The following AGBL4 variants were observed in gnomAD, a reference collection of about 807,000 sequenced individuals.
The protein encoded by AGBL4 is AGBL carboxypeptidase 4.
AGBL4 carries 58 observed loss-of-function variants against 66.4 expected under a neutral mutation model. The ratio of observed to expected loss-of-function variants is 0.87; its 90% CI spans 0.71 to 1.09. The LOEUF is 1.09. AGBL4 is among the 50% of genes least tolerant of loss of function. The probability of loss-of-function intolerance (pLI) is 0.00; values close to 1 mark genes in which losing one functional copy is unlikely to be tolerated. For synonymous variants in AGBL4, 234 were observed against 222.9 expected (o/e 1.05, Z -0.44); for missense variants, 579 against 631.0 (o/e 0.92, Z 0.88).
At chr1:49,442,394 G>T (rs893627301) in intron 3 of AGBL4, among the ~76,000 whole-genome samples, 1 of 152,182 alleles carries the variant, frequency 6.6e-6, no homozygotes, top group Non-Finnish European at 1.5e-5. Flanking sequence ...ACAAGTAGGG[G>T]ATTCTTGGAA....
At chr1:49,434,892 C>T (rs1645868748) in intron 3 of AGBL4, among the ~76,000 whole-genome samples, 1 of 152,074 alleles carries the variant, frequency 6.6e-6, no homozygotes, top group South Asian at 2.1e-4. Flanking sequence ...ATTCCCATCT[C>T]ACTCTGGCAT....
intron 5 of AGBL4, among the ~76,000 whole-genome samples, chr1:48,882,951 T>C (rs1436743895): frequency 6.6e-6 from 1 of 152,236 alleles, no homozygotes; most frequent in Non-Finnish European, 1.5e-5. Flanking sequence ...AGGAGTTCCT[T>C]CTTTTTAAAG....
Position 49,789,803 on chromosome 1 carries a change from C to A in AGBL4, c.157+61593G>T, listed in dbSNP as rs1644549667. ...GCTATCCTCTTCAGGCTACCATTGACTTTCTTCACAGAATTAGAAAATACT... is the reference window on the plus strand; with the variant it reads ...GCTATCCTCTTCAGGCTACCATTGAATTTCTTCACAGAATTAGAAAATACT... On this transcript the variant is annotated intron_variant, in intron 2 of 13. Coordinates refer to ENST00000371839, the MANE Select transcript of AGBL4 (RefSeq NM_032785.4). Among the ~76,000 whole-genome samples, 3 of 152,176 alleles carry A rather than the reference C, an allele frequency of 2.0e-5. No homozygotes were observed. The South Asian group carries it at 6.2e-4, about 32-fold the overall frequency.
intron 11 of AGBL4, among the ~76,000 whole-genome samples, chr1:48,566,074 AAC>A (rs1292434072): frequency 6.6e-6 from 1 of 152,202 alleles, no homozygotes; most frequent in Non-Finnish European, 1.5e-5. Flanking sequence ...CCTGCTCAAG[AAC>A]CATCTCTGGC....
chr1:49,417,731 A>G (rs1645458363), intron 3 of AGBL4, among the ~76,000 whole-genome samples: 1 of 152,174 alleles, frequency 6.6e-6, no homozygotes, highest in African/African-American at 2.4e-5. Context: ...CTTTAGGTTA[A>G]AATACATTGC....
intron 8 of AGBL4, among the ~76,000 whole-genome samples, chr1:48,652,770 C>G (rs529044268): frequency 1.4e-4 from 21 of 152,146 alleles, no homozygotes; most frequent in Middle Eastern, 3.4e-3. Flanking sequence ...TGGTGCTAAG[C>G]CAGGAGAAAA....
intron 3 of AGBL4, among the ~76,000 whole-genome samples, chr1:49,624,803 C>T (rs971011395): frequency 6.6e-5 from 10 of 152,132 alleles, no homozygotes; most frequent in African/African-American, 1.4e-4. Context: ...GCATCTAGAC[C>T]TTTCTCCATG....
chr1:49,276,780 C>T (rs1252646838), intron 3 of AGBL4, among the ~76,000 whole-genome samples: 1 of 152,194 alleles, frequency 6.6e-6, no homozygotes, highest in Non-Finnish European at 1.5e-5. Context: ...ACTGAGCCCC[C>T]ATTCTTCCTA....
chr1:49,614,216 A>G (rs180757197), intron 3 of AGBL4, among the ~76,000 whole-genome samples: 194 of 152,294 alleles, frequency 1.3e-3, no homozygotes, highest in Non-Finnish European at 2.5e-3. Context: ...TTTGGGCACT[A>G]CCTTCCTGCC....
At chr1:48,691,782 C>T (rs1646637415) in intron 6 of AGBL4, among the ~76,000 whole-genome samples, 1 of 152,174 alleles carries the variant, frequency 6.6e-6, no homozygotes, top group African/African-American at 2.4e-5. Flanking sequence ...GTGCTGGAAC[C>T]CAGCCTCCCT....
At chr1:48,951,824 A>T (rs1274975899) in intron 5 of AGBL4, among the ~76,000 whole-genome samples, 1 of 152,224 alleles carries the variant, frequency 6.6e-6, no homozygotes, top group Admixed American at 6.5e-5. Context: ...TTTTGATGAG[A>T]ATTGTTGAAC....
chr1:49,250,423 A>G (rs1181871233), intron 3 of AGBL4, among the ~76,000 whole-genome samples: 1 of 151,156 alleles, frequency 6.6e-6, no homozygotes, highest in African/African-American at 2.4e-5. Context: ...GGAACCCTGA[A>G]CTACACACAG....
intron 3 of AGBL4, among the ~76,000 whole-genome samples, chr1:49,491,664 C>G (rs991005479): frequency 2.0e-5 from 3 of 151,894 alleles, no homozygotes; most frequent in African/African-American, 7.2e-5. Flanking sequence ...CTGGCTTAAT[C>G]AAGTTAGTTG....
intron 7 of AGBL4, among the ~76,000 whole-genome samples, chr1:48,654,380 G>A (rs902907015): frequency 6.6e-6 from 1 of 152,148 alleles, no homozygotes; most frequent in Non-Finnish European, 1.5e-5. Context: ...AGAAGAGGGG[G>A]TGAGAAAACA....
At chr1:48,791,338 G>A (rs1645545318) in intron 6 of AGBL4, among the ~76,000 whole-genome samples, 1 of 152,102 alleles carries the variant, frequency 6.6e-6, no homozygotes, top group African/African-American at 2.4e-5. Flanking sequence ...GGGTGGGAGA[G>A]GATGAATTAA....
chr1:49,440,964 G>A (rs1034766678), intron 3 of AGBL4, among the ~76,000 whole-genome samples: 3 of 152,074 alleles, frequency 2.0e-5, no homozygotes, highest in Non-Finnish European at 4.4e-5. Flanking sequence ...CCCAACCCAT[G>A]CTCCCATCAG....
intron 6 of AGBL4, among the ~76,000 whole-genome samples, chr1:48,801,661 G>T (rs1645811596): frequency 6.6e-6 from 1 of 152,158 alleles, no homozygotes; most frequent in Non-Finnish European, 1.5e-5. Context: ...TGTGTTTATA[G>T]GTAGGTTTTC....
chr1:49,279,513 T>A (rs1644234758), intron 3 of AGBL4, among the ~76,000 whole-genome samples: 2 of 151,904 alleles, frequency 1.3e-5, no homozygotes. Context: ...TTGGGCATGG[T>A]ATGGGGCAAG....
chr1:50,022,149 T>C (rs1169688233), intron 1 of AGBL4, among the ~76,000 whole-genome samples: 2 of 152,206 alleles, frequency 1.3e-5, no homozygotes, highest in African/African-American at 2.4e-5. Flanking sequence ...GAAATCTTTA[T>C]TGAGAACATA....
Sources: allele counts gnomAD v4.1 joint callset (sites outside exome capture counted in the v4.1 genomes callset), GRCh38; gene constraint gnomAD v4.1.1; transcripts MANE v1.5; gene names NCBI Gene and HGNC (gene_info 2026-07-23, HGNC 2026-07-21).